The following ACSF3 variants were observed in gnomAD, a reference collection of about 807,000 sequenced individuals.
ACSF3 encodes acyl-CoA synthetase family member 3.
ACSF3 carries 78 observed loss-of-function variants against 53.2 expected under a neutral mutation model. The ratio of observed to expected loss-of-function variants is 1.47; its 90% CI spans 1.22 to 1.77. The LOEUF (loss-of-function observed/expected upper bound fraction) is 1.77, where lower values mean the gene tolerates loss of function less well. ACSF3 is among the 40% of genes most tolerant of loss of function. The pLI, the probability that ACSF3 is intolerant of heterozygous loss-of-function variation, is 0.00. For missense variants in ACSF3, 937 were observed against 771.1 expected (o/e 1.22, Z -2.55); for synonymous variants, 414 against 333.1 (o/e 1.24, Z -2.65).
intron 4 of ACSF3, among the ~76,000 whole-genome samples, chr16:89,108,795 G>A (rs191986256): frequency 2.0e-5 from 3 of 152,266 alleles, no homozygotes; most frequent in Admixed American, 6.5e-5. Flanking sequence ...TGGGCATTTG[G>A]ACTGTTTCAG....
intron 8 of ACSF3, among the ~76,000 whole-genome samples, chr16:89,142,556 C>CCCACACCTGCAGAGACACAG (rs1567741364): frequency 2.0e-5 from 3 of 150,872 alleles, no homozygotes; most frequent in African/African-American, 7.3e-5. Flanking sequence ...TGCAGACACA[C>CCCACACCTGCAGAGACACAG]CCACACCTGC....
At chr16:89,127,354 C>G (rs928526686) in intron 7 of ACSF3, among the ~76,000 whole-genome samples, 8 of 151,458 alleles carry the variant, frequency 5.3e-5, no homozygotes, top group African/African-American at 1.9e-4. Flanking sequence ...TAGAGGTTTT[C>G]TTTTCTATTA....
In ACSF3 at chr16:89,100,882, G is replaced by A. The variant is rs1259149379; in HGVS notation, c.201G>A (p.Thr67=). The A allele has an allele frequency of 6.2e-6, 10 of 1,613,662 alleles. No homozygotes were observed. The highest frequency in any genetic ancestry group is 1.1e-5 in the South Asian group (1 of 91,088). Residue 67 remains threonine, a synonymous_variant, in exon 3 of 11, where the codon ACG becomes ACA. Transcript: ENST00000614302. Reference sequence around the variant, plus strand: ...TGGTTGACCAGCACGGCCGCCACACGTACAGGGAGCTTTATTCCCGCAGCC... The same window carrying A: ...TGGTTGACCAGCACGGCCGCCACACATACAGGGAGCTTTATTCCCGCAGCC... The part of the protein sequence containing the change: ...IALVDQHGRH[T]YRELYSRSLR...
intron 7 of ACSF3, among the ~76,000 whole-genome samples, chr16:89,122,995 A>G (rs1907027093): frequency 6.6e-6 from 1 of 152,218 alleles, no homozygotes; most frequent in Admixed American, 6.5e-5. Context: ...CCTCTGCGAC[A>G]GGCATGCAGG....
chr16:89,094,268 G>C (rs1974350693), intron 1 of ACSF3, among the ~76,000 whole-genome samples: 1 of 152,154 alleles, frequency 6.6e-6, no homozygotes, highest in Admixed American at 6.5e-5. Context: ...AGCCGGCGGG[G>C]TCCGTGTTCA....
At chr16:89,127,475 C>G (rs560524704) in intron 7 of ACSF3, among the ~76,000 whole-genome samples, 74 of 152,268 alleles carry the variant, frequency 4.9e-4, no homozygotes, top group Non-Finnish European at 8.4e-4. Context: ...AGTGATCCTG[C>G]GTCAGCCTCC....
chr16:89,104,979 A>G (rs1975789918), intron 4 of ACSF3, among the ~76,000 whole-genome samples: 1 of 152,170 alleles, frequency 6.6e-6, no homozygotes, highest in Non-Finnish European at 1.5e-5. Flanking sequence ...CACTTGCGTG[A>G]TTAGCCGTCA....
rs895398735 is a variant in ACSF3, at chr16:89,122,696, C to G, written c.1239+1783C>G. 1.9e-5 allele frequency: 3 copies of G among 156,964 alleles called. No homozygotes were observed. The East Asian group carries it at 5.6e-4, about 29-fold the overall frequency. The allele number at this position is 156,964 out of a possible 1,614,324, so 9.7% of individuals were successfully genotyped here. ...ACGCCCCGTGGCTGTGCAGCCCTCT[C>G]CAGGTGTCAGTCAGCTGACACTCCT... On this transcript the variant is annotated intron_variant, in intron 7 of 10. Coordinates refer to ENST00000614302, the MANE Select transcript of ACSF3 (RefSeq NM_001243279.3).
chr16:89,154,147 G>A lies in ACSF3; in HGVS notation c.1671G>A (p.Pro557=), dbSNP rs747338200. The A allele has an allele frequency of 1.6e-5, 26 of 1,613,372 alleles. No homozygotes were observed. Among genetic ancestry groups the A allele is most frequent in the Non-Finnish European group, 1.9e-5 (23 of 1,179,768 alleles). Reference sequence around the variant, plus strand: ...AGCTGGTGCTGGTGGAGGAGATCCCGCGGAACCAGATGGGCAAGATTGACA... The same window carrying A: ...AGCTGGTGCTGGTGGAGGAGATCCCACGGAACCAGATGGGCAAGATTGACA... The part of the protein sequence containing the change: ...PSELVLVEEI[P]RNQMGKIDKK... Residue 557 remains proline (P), a synonymous_variant, in exon 11 of 11, where the codon CCG becomes CCA. Coordinates refer to ENST00000614302, the MANE Select transcript of ACSF3 (RefSeq NM_001243279.3).
At chr16:89,145,161 A>T in intron 8 of ACSF3, 106 bp from the exon 9 acceptor site, 1 of 1,611,844 alleles carries the variant, frequency 6.2e-7, no homozygotes, top group Non-Finnish European at 8.5e-7. Context: ...CTTTCCTCAG[A>T]GGACACCGTG....
intron 8 of ACSF3, among the ~76,000 whole-genome samples, chr16:89,138,080 C>G (rs1262513304): frequency 6.6e-6 from 1 of 152,214 alleles, no homozygotes; most frequent in Non-Finnish European, 1.5e-5. Flanking sequence ...AGAGGGACAG[C>G]AGCCCCAGCC....
At chr16:89,096,238 G>T (rs954027535) in intron 1 of ACSF3, among the ~76,000 whole-genome samples, 6 of 151,696 alleles carry the variant, frequency 4.0e-5, no homozygotes, top group Non-Finnish European at 8.8e-5. Flanking sequence ...GAAGCTGGCT[G>T]AGGGTGGAAG....
Position 89,145,264 on chromosome 16 carries a change from C to T in ACSF3, c.1367-3C>T. 1.2e-6 allele frequency: 2 copies of T among 1,614,062 alleles called. No homozygotes were observed. The highest frequency in any genetic ancestry group is 8.5e-7 in the Non-Finnish European group (1 of 1,180,016). ...CCAGTTAACCAGAGCCCCTTTTCCT[C>T]AGGGGACACCGTGGTGTTTAAGGAT... is the stretch of plus-strand genomic sequence containing the variant. On this transcript the variant is annotated splice_polypyrimidine_tract_variant and splice_region_variant and intron_variant, in intron 8 of 10. Transcript: ENST00000614302.
At chr16:89,127,471 C>G (rs993764138) in intron 7 of ACSF3, among the ~76,000 whole-genome samples, 3 of 152,076 alleles carry the variant, frequency 2.0e-5, no homozygotes, top group Admixed American at 6.6e-5. Context: ...CTCAAGTGAT[C>G]CTGCGTCAGC....
intron 7 of ACSF3, among the ~76,000 whole-genome samples, chr16:89,124,576 G>A (rs529833781): frequency 2.9e-4 from 44 of 151,808 alleles, no homozygotes; most frequent in African/African-American, 8.9e-4. Context: ...ATACCCATGC[G>A]CACACTGTGT....
intron 4 of ACSF3, among the ~76,000 whole-genome samples, chr16:89,109,385 A>G (rs1440600139): frequency 6.8e-6 from 1 of 147,812 alleles, no homozygotes; most frequent in Non-Finnish European, 1.5e-5. Flanking sequence ...CGTTTCCCTA[A>G]TGACTACTGA....
Position 89,155,331 on chromosome 16 carries a change from A to G in ACSF3, c.*1124A>G, listed in dbSNP as rs1019993486. ...GCCAGAAACGAGTGTGCCGGGCAGG[A>G]GGCCAGCCCCATCTCAGGCTCACGT... On this transcript the variant is annotated 3_prime_UTR_variant, in exon 11 of 11. Coordinates refer to ENST00000614302, the MANE Select transcript of ACSF3 (RefSeq NM_001243279.3). 2.2e-6 allele frequency: 1 copy of G among 452,078 alleles called. No homozygotes were observed. Among genetic ancestry groups the G allele is most frequent in the South Asian group, 1.6e-5 (1 of 64,466 alleles). The allele number at this position is 452,078 out of a possible 1,614,324, so 28.0% of individuals were successfully genotyped here.
chr16:89,096,995 C>A (rs535040515), intron 1 of ACSF3, among the ~76,000 whole-genome samples: 16 of 150,276 alleles, frequency 1.1e-4, no homozygotes, highest in Non-Finnish European at 2.1e-4. Context: ...TGAGTTTGCC[C>A]AGCCCAGCTG....
rs760759040 is a variant in ACSF3, at chr16:89,100,985, TG to T, written c.305del (p.Cys102SerfsTer16). 2.5e-6 allele frequency: 4 copies of T among 1,613,428 alleles called. No individual in the cohort carries two copies. In the Admixed American group the frequency reaches 6.7e-5, roughly 27 times the overall value. On this transcript the variant is annotated frameshift_variant, in exon 3 of 11. Coordinates refer to ENST00000614302, the MANE Select transcript of ACSF3 (RefSeq NM_001243279.3). LOFTEE classifies it high-confidence loss of function. ...CCGGGAGGAGAGGGTCTCCTTCCTA[TG>T]CGCTAACGATGCCTCCTACGTCGTG... ...DLREERVSFL[C>X]ANDASYVVAQ...
Sources: allele counts gnomAD v4.1 joint callset (sites outside exome capture counted in the v4.1 genomes callset), GRCh38; gene constraint gnomAD v4.1.1; transcripts MANE v1.5; gene names NCBI Gene and HGNC (gene_info 2026-07-23, HGNC 2026-07-21).